Variants in NPAS2 observed in about 807,000 individuals in gnomAD.
NPAS2 encodes the protein neuronal PAS domain-containing protein 2.
NPAS2 carries 23 observed loss-of-function variants against 107.5 expected under a neutral mutation model. The ratio of observed to expected loss-of-function variants is 0.21; its 90% CI spans 0.15 to 0.30. The LOEUF (loss-of-function observed/expected upper bound fraction) is 0.30, where lower values mean the gene tolerates loss of function less well. Among genes scored for constraint, NPAS2 ranks in the 10% least tolerant of loss-of-function variants. The pLI is 1.00. For synonymous variants in NPAS2, 403 were observed against 417.5 expected, an observed-to-expected ratio of 0.97 and a Z score of 0.42; for missense variants, 756 against 1,043.3, an observed-to-expected ratio of 0.72 and a Z score of 3.79.
chr2:100,897,068 A>G (rs1681458812), intron 1 of NPAS2, among the ~76,000 whole-genome samples: 1 of 152,202 alleles, frequency 6.6e-6, no homozygotes, highest in African/African-American at 2.4e-5. Context: ...GGCAGGAAGG[A>G]GAATTGCTGA....
At chr2:100,934,419 G>T (rs1267702654) in intron 4 of NPAS2, among the ~76,000 whole-genome samples, 1 of 152,046 alleles carries the variant, frequency 6.6e-6, no homozygotes, top group East Asian at 1.9e-4. Context: ...AGACGGGACT[G>T]AGATTCAGGA....
chr2:100,953,901 A>G (rs2105081535), intron 7 of NPAS2, among the ~76,000 whole-genome samples: 1 of 152,306 alleles, frequency 6.6e-6, no homozygotes, highest in African/African-American at 2.4e-5. Flanking sequence ...GGCACCCAAG[A>G]TGTGTTTTAA....
intron 1 of NPAS2, among the ~76,000 whole-genome samples, chr2:100,833,194 G>C (rs951488314): frequency 1.1e-4 from 16 of 152,238 alleles, no homozygotes; most frequent in African/African-American, 3.6e-4. Flanking sequence ...ATGGCCCATA[G>C]CAGAAAGCTT....
chr2:100,916,296 G>T (rs576329384), intron 2 of NPAS2, among the ~76,000 whole-genome samples: 5 of 152,216 alleles, frequency 3.3e-5, no homozygotes, highest in Non-Finnish European at 7.4e-5. Context: ...CTAAAAAACA[G>T]ATTTTGTTCC....
chr2:100,968,331 G>A lies in NPAS2; in HGVS notation c.958G>A (p.Gly320Ser). 1 of 1,614,122 alleles carries A rather than the reference G, an allele frequency of 6.2e-7. No homozygotes were observed. Among genetic ancestry groups the A allele is most frequent in the Non-Finnish European group, 8.5e-7 (1 of 1,180,002 alleles). ...GTGTTGCTACCGGTTTCTGACCAAA[G>A]GTCAGCAGTGGATCTGGCTGCAGAC... ...KSCCYRFLTKGQQWIWLQTHY... is the reference protein window; with the variant it reads ...KSCCYRFLTKSQQWIWLQTHY... Residue 320 changes from glycine to serine, a missense_variant, in exon 11 of 21, where the codon GGT becomes AGT. Coordinates refer to ENST00000335681, the MANE Select transcript of NPAS2 (RefSeq NM_002518.4). The surrounding 1 kb of genome is among the most constrained non-coding windows in gnomAD (Gnocchi z 5.3).
At chr2:100,974,453 C>A (rs1388360519) in intron 12 of NPAS2, among the ~76,000 whole-genome samples, 1 of 152,162 alleles carries the variant, frequency 6.6e-6, no homozygotes, top group African/African-American at 2.4e-5. Flanking sequence ...CCAGCAGCAA[C>A]CTTATTTCTA....
chr2:100,934,986 A>G, intron 4 of NPAS2: 2 of 985,400 alleles, frequency 2.0e-6, no homozygotes, highest in Non-Finnish European at 1.2e-6. Flanking sequence ...AATGCCCTCC[A>G]GATGTGACTC....
chr2:100,919,019 G>A (rs1407580580), intron 2 of NPAS2, among the ~76,000 whole-genome samples: 1 of 152,124 alleles, frequency 6.6e-6, no homozygotes, highest in African/African-American at 2.4e-5. Flanking sequence ...TGCATAAACC[G>A]GCTGTGGAAC....
In NPAS2 at chr2:100,965,380, T is replaced by C. The variant is rs1676155294; in HGVS notation, c.801-280T>C. 6.6e-6 allele frequency among the ~76,000 whole-genome samples: 1 copy of C among 152,204 alleles called. No individual in the cohort carries two copies. The highest frequency in any genetic ancestry group is 6.5e-5 in the Admixed American group (1 of 15,280). ...ATATTACACTTTGGTGTTGGGCTGA[T>C]CCAATTTGTAGCTGTTTTTAATTAC... On this transcript the variant is annotated intron_variant, in intron 9 of 20. Transcript: ENST00000335681. The surrounding 1 kb of genome is among the most constrained non-coding windows in gnomAD (Gnocchi z 4.3).
intron 1 of NPAS2, among the ~76,000 whole-genome samples, chr2:100,876,842 T>C (rs778378327): frequency 6.7e-4 from 102 of 152,024 alleles, no homozygotes; most frequent in Non-Finnish European, 8.7e-4. Context: ...CATGTGGAGG[T>C]GGACGTCTGC....
At chr2:100,893,186 C>T (rs181001185) in intron 1 of NPAS2, among the ~76,000 whole-genome samples, 1 of 152,262 alleles carries the variant, frequency 6.6e-6, no homozygotes, top group East Asian at 1.9e-4. Flanking sequence ...CTTTTTATTC[C>T]TTAACATAAT....
chr2:100,929,200 C>T (rs1474365795), intron 3 of NPAS2, among the ~76,000 whole-genome samples: 2 of 152,176 alleles, frequency 1.3e-5, no homozygotes, highest in Non-Finnish European at 2.9e-5. Context: ...CCACTGCACC[C>T]GGCCCATGGC....
rs370497199 is a variant in NPAS2 at position 100,863,339 on chromosome 2, A to AGTTG, written c.-22-41382_-22-41379dup. Among the ~76,000 whole-genome samples the AGTTG allele has an allele frequency of 2.3e-3, 346 of 152,218 alleles. 3 individuals carry two copies. The highest frequency in any genetic ancestry group is 8.2e-3 in the African/African-American group (339 of 41,518). ...TTGATGGTGGGTTGCTTGGTTGATT[A>AGTTG]GTTGGTTGGTTGGTTTGATGGGAAC... On this transcript the variant is annotated intron_variant, in intron 1 of 20. Coordinates refer to ENST00000335681, the MANE Select transcript of NPAS2 (RefSeq NM_002518.4).
intron 1 of NPAS2, among the ~76,000 whole-genome samples, chr2:100,842,079 GCGCA>G (rs1257974006): frequency 1.5e-4 from 11 of 74,100 alleles, no homozygotes; most frequent in East Asian, 1.5e-3. Flanking sequence ...GTGCATGTAC[GCGCA>G]CACACACACA....
At position 100,968,397 on chromosome 2, in the gene NPAS2, G is replaced by T; in HGVS notation, c.1024G>T (p.Glu342Ter). Residue 342 changes from glutamate to a stop codon, truncating the protein, a stop_gained, in exon 11 of 21, where the codon GAG (glutamate) becomes TAG (stop). Transcript: ENST00000335681. LOFTEE classifies it high-confidence loss of function. The surrounding 1 kb of genome is among the most constrained non-coding windows in gnomAD (Gnocchi z 5.3). Reference protein sequence around the residue: ...ITYHQWNSKPEFIVCTHSVVS... With the variant: ...ITYHQWNSKP ...CTACCATCAGTGGAACTCCAAGCCC[G>T]AGTTCATCGTGTGCACACACTCGGT... 6.2e-7 allele frequency: 1 copy of T among 1,614,128 alleles called. No individual in the cohort carries two copies. Among genetic ancestry groups the T allele is most frequent in the Non-Finnish European group, 8.5e-7 (1 of 1,180,030 alleles).
chr2:100,820,929 A>G lies in NPAS2; in HGVS notation c.-23+515A>G, dbSNP rs1676032617. The G allele has an allele frequency of 1.4e-6, 1 of 733,650 alleles. No homozygotes were observed. Among genetic ancestry groups the G allele is most frequent in the Non-Finnish European group, 2.0e-6 (1 of 507,908 alleles). The allele number at this position is 733,650 out of a possible 1,614,324, so 45.4% of individuals were successfully genotyped here. On this transcript the variant is annotated intron_variant, in intron 1 of 20. Transcript: ENST00000335681. This position sits in a 1 kb window ranked among gnomAD's most constrained non-coding sequence, Gnocchi z 5.6. ...GGTTCCGGGCCGGATTGGGTGCGGA[A>G]TCGGTGCCCCCAACCCCCGTGTGCG...
At position 100,937,799 on chromosome 2, in the gene NPAS2, T is replaced by C. The variant is rs1196851443; in HGVS notation, c.320T>C (p.Ile107Thr). 1 of 1,614,180 alleles carries C rather than the reference T, an allele frequency of 6.2e-7. No homozygotes were observed. The highest frequency in any genetic ancestry group is 1.7e-5 in the Admixed American group (1 of 60,030). ...GCAGTGACAACAGACGGCAGCATCA[T>C]CTATGTCTCTGACAGTATCACGCCT... ...IIAVTTDGSI[I>T]YVSDSITPLL... is the part of the protein sequence containing the mutation. The change falls in exon 5 of 21, where the codon ATC (isoleucine) becomes ACC (threonine). Residue 107 changes from isoleucine to threonine, a missense_variant. Coordinates refer to ENST00000335681, the MANE Select transcript of NPAS2 (RefSeq NM_002518.4).
At position 100,965,699 on chromosome 2, in the gene NPAS2, G is replaced by A. The variant is rs1676171176; in HGVS notation, c.840G>A (p.Leu280=). ...TAGGATACCTGCCTTTTGAAGTGCT[G>A]GGAACCTCAGGCTATGACTACTACC... is the stretch of plus-strand genomic sequence containing the variant. The part of the protein sequence containing the change: ...PIIGYLPFEV[L]GTSGYDYYHI... The change falls in exon 10 of 21, where the codon CTG becomes CTA. Residue 280 remains leucine, a synonymous_variant. Transcript: ENST00000335681. This position sits in a 1 kb window ranked among gnomAD's most constrained non-coding sequence, Gnocchi z 4.3. 6.2e-7 allele frequency: 1 copy of A among 1,613,996 alleles called. No homozygotes were observed. The highest frequency in any genetic ancestry group is 8.5e-7 in the Non-Finnish European group (1 of 1,179,928).
At chr2:100,979,009 C>T (rs1015508725) in intron 15 of NPAS2, among the ~76,000 whole-genome samples, 14 of 152,196 alleles carry the variant, frequency 9.2e-5, no homozygotes, top group African/African-American at 2.4e-4. Context: ...GCGTCCCAGA[C>T]GGCAGTTCAG....
Sources: allele counts gnomAD v4.1 joint callset (sites outside exome capture counted in the v4.1 genomes callset), GRCh38; gene constraint gnomAD v4.1.1; non-coding constraint Gnocchi (gnomAD v3.1); transcripts MANE v1.5; gene names NCBI Gene and HGNC (gene_info 2026-07-23, HGNC 2026-07-21).